Variants in SAYSD1 observed in about 807,000 individuals in gnomAD.
The protein encoded by SAYSD1 is SAYSvFN domain-containing protein 1.
In SAYSD1, 15 loss-of-function variants were observed where a neutral mutation model predicts 14.5. The observed-to-expected ratio is 1.03, with a 90% CI of 0.69 to 1.59. The LOEUF (loss-of-function observed/expected upper bound fraction) is 1.59. Among genes scored for constraint, SAYSD1 ranks in the 40% most tolerant of loss-of-function variants. The pLI is 0.00. For missense variants in SAYSD1, 247 were observed against 227.3 expected (o/e 1.09, Z -0.56); for synonymous variants, 105 against 102.6 (o/e 1.02, Z -0.14).
rs776016051 is a variant in SAYSD1 at position 39,115,134 on chromosome 6, G to C, written c.-45C>G. 25 of 1,555,548 alleles carry C rather than the reference G, an allele frequency of 1.6e-5. No homozygotes were observed. Among genetic ancestry groups the C allele is most frequent in the Non-Finnish European group, 2.1e-5 (24 of 1,154,266 alleles). The stretch of plus-strand genomic sequence containing the variant: ...TTGGCCGATAAGGGAGCGCGCGCCC[G>C]CAGGCCGCACAGCAGTTGCCTCCGC... On this transcript the variant is annotated 5_prime_UTR_variant, in exon 1 of 2. Coordinates refer to ENST00000229903, the MANE Select transcript of SAYSD1 (RefSeq NM_018322.3).
chr6:39,114,812 G>A (rs1313556983), intron 1 of SAYSD1, 71 bp downstream of exon 1: 9 of 1,499,084 alleles, frequency 6.0e-6, no homozygotes, highest in Non-Finnish European at 8.3e-6. Context: ...CCACACCCCC[G>A]GCAGCTAGGG....
chr6:39,106,478 G>A (rs1447521720), intron 1 of SAYSD1, among the ~76,000 whole-genome samples: 2 of 152,166 alleles, frequency 1.3e-5, no homozygotes, highest in Admixed American at 6.5e-5. Flanking sequence ...AGTGAGCTGA[G>A]ATTGCACCAC....
chr6:39,112,049 T>A (rs1769635709), intron 1 of SAYSD1: 1 of 152,008 alleles, frequency 6.6e-6, no homozygotes, highest in East Asian at 1.9e-4. Flanking sequence ...TCACTAGAAA[T>A]AGAATTGAAG....
intron 1 of SAYSD1, among the ~76,000 whole-genome samples, chr6:39,109,071 G>C (rs1480555097): frequency 6.6e-6 from 1 of 152,182 alleles, no homozygotes; most frequent in Non-Finnish European, 1.5e-5. Flanking sequence ...ATGATAGTGA[G>C]GGAAAGGAAG....
At position 39,105,436 on chromosome 6, in the gene SAYSD1, C is replaced by T. The variant is rs1769477930; in HGVS notation, c.548G>A (p.Arg183Lys). ...RELQLRPLAG[R>K] The stretch of plus-strand genomic sequence containing the variant: ...GCATGACAGCACAGCTGGGTCCTAT[C>T]TCCCTGCCAGGGGTCTCAACTGTAA... Residue 183 changes from arginine (R) to lysine (K), a missense_variant, in exon 2 of 2, where the codon AGA becomes AAA. Physicochemically the swap from Arg to Lys is conservative, Grantham distance 26 (BLOSUM62 2). Coordinates refer to ENST00000229903, the MANE Select transcript of SAYSD1 (RefSeq NM_018322.3). 4 of 1,613,840 alleles carry T rather than the reference C, an allele frequency of 2.5e-6. No individual in the cohort carries two copies. Among genetic ancestry groups the T allele is most frequent in the Non-Finnish European group, 3.4e-6 (4 of 1,179,796 alleles).
At chr6:39,110,244 G>A (rs1769601052) in intron 1 of SAYSD1, 1 of 153,120 alleles carries the variant, frequency 6.5e-6, no homozygotes, top group Admixed American at 6.5e-5. Context: ...GAAGTGGGGT[G>A]ATGTCCTAAA....
intron 1 of SAYSD1, among the ~76,000 whole-genome samples, chr6:39,108,705 A>G (rs372270820): frequency 6.6e-6 from 1 of 151,920 alleles, no homozygotes; most frequent in Non-Finnish European, 1.5e-5. Flanking sequence ...GACCCCTCCT[A>G]CTACAAACGG....
At chr6:39,109,699 C>A in intron 1 of SAYSD1, 4 of 934,066 alleles carry the variant, frequency 4.3e-6, no homozygotes, top group Non-Finnish European at 5.3e-6. Flanking sequence ...CTACCAGGCT[C>A]ATTTCCTTGG....
At position 39,105,579 on chromosome 6, in the gene SAYSD1, G is replaced by A. The variant is rs969351652; in HGVS notation, c.405C>T (p.Tyr135=). 10 of 1,613,932 alleles carry A rather than the reference G, an allele frequency of 6.2e-6. No individual in the cohort carries two copies. The highest frequency in any genetic ancestry group is 1.1e-5 in the South Asian group (1 of 91,082). The change falls in exon 2 of 2, where the codon TAC becomes TAT. Residue 135 remains tyrosine, a synonymous_variant. Coordinates refer to ENST00000229903, the MANE Select transcript of SAYSD1 (RefSeq NM_018322.3). ...TCTCTTCAGGGCCTCGTGTCCCGACGTACATCCAATAGAACAAGGACAGGA... is the reference window on the plus strand; with the variant it reads ...TCTCTTCAGGGCCTCGTGTCCCGACATACATCCAATAGAACAAGGACAGGA... The part of the protein sequence containing the change: ...YFVLSLFYWM[Y]VGTRGPEEKK...
intron 1 of SAYSD1, among the ~76,000 whole-genome samples, chr6:39,107,085 A>C (rs1264818137): frequency 6.6e-6 from 1 of 152,188 alleles, no homozygotes; most frequent in Non-Finnish European, 1.5e-5. Flanking sequence ...TATTAATTTC[A>C]CCATCCACTA....
At chr6:39,114,590 G>A (rs1224600376) in intron 1 of SAYSD1, among the ~76,000 whole-genome samples, 1 of 152,248 alleles carries the variant, frequency 6.6e-6, no homozygotes, top group African/African-American at 2.4e-5. Flanking sequence ...GCCACAGGGC[G>A]TCACGATAAC....
rs62398593 is a variant in SAYSD1 at position 39,105,445 on chromosome 6, A to G, written c.539T>C (p.Leu180Pro). Residue 180 changes from leucine to proline, a missense_variant, in exon 2 of 2, where the codon CTG becomes CCG. Physicochemically the swap from Leu to Pro is moderately conservative, Grantham distance 98. Coordinates refer to ENST00000229903, the MANE Select transcript of SAYSD1 (RefSeq NM_018322.3). ...CACAGCTGGGTCCTATCTCCCTGCC[A>G]GGGGTCTCAACTGTAACTCGCGCTC... is the stretch of plus-strand genomic sequence containing the variant. ...QLERELQLRPLAGR is the reference protein window; with the variant it reads ...QLERELQLRPPAGR 1 of 1,614,058 alleles carries G rather than the reference A, an allele frequency of 6.2e-7. No individual in the cohort carries two copies. The highest frequency in any genetic ancestry group is 8.5e-7 in the Non-Finnish European group (1 of 1,179,918).
Position 39,105,717 on chromosome 6 carries a change from C to T in SAYSD1, c.267G>A (p.Leu89=), listed in dbSNP as rs111822360. Residue 89 remains leucine, a synonymous_variant, in exon 2 of 2, where the codon CTG becomes CTA. Coordinates refer to ENST00000229903, the MANE Select transcript of SAYSD1 (RefSeq NM_018322.3). Reference sequence around the variant, plus strand: ...GGAAAGACTGGTCCCAGCACGACGGCAGAGGAATGGCTGTGTTCCATGGTG... The same window carrying T: ...GGAAAGACTGGTCCCAGCACGACGGTAGAGGAATGGCTGTGTTCCATGGTG... ...SETPWNTAIP[L]PSCWDQSFLT... is the part of the protein sequence containing the mutation. 38 of 1,614,204 alleles carry T rather than the reference C, an allele frequency of 2.4e-5. 1 individual carries two copies. The African/African-American group carries it at 2.5e-4, about 11-fold the overall frequency.
Position 39,115,167 on chromosome 6 carries a change from G to A in SAYSD1, c.-78C>T. 1 of 1,363,466 alleles carries A rather than the reference G, an allele frequency of 7.3e-7. No individual in the cohort carries two copies. The allele number at this position is 1,363,466 out of a possible 1,614,324, so 84.5% of individuals were successfully genotyped here. A position where few individuals can be genotyped will look rare whatever the true frequency, so the allele number is the denominator to read the frequency against. ...CACAGCAGTTGCCTCCGCTCGGCCC[G>A]CGCCGGCCGCCGTGCGCCTGCGTGG... On this transcript the variant is annotated 5_prime_UTR_variant, in exon 1 of 2. Coordinates refer to ENST00000229903, the MANE Select transcript of SAYSD1 (RefSeq NM_018322.3).
Position 39,115,060 on chromosome 6 carries a change from C to T in SAYSD1, c.30G>A (p.Ala10=). MEQRLAEFR[A]ARKRAGLAAQ... is the part of the protein sequence containing the mutation. Reference sequence around the variant, plus strand: ...CCGCCAGACCCGCCCGTTTCCGCGCCGCCCGAAACTCAGCTAACCGCTGTT... The same window carrying T: ...CCGCCAGACCCGCCCGTTTCCGCGCTGCCCGAAACTCAGCTAACCGCTGTT... The change falls in exon 1 of 2, where the codon GCG becomes GCA. Residue 10 remains alanine (A), a synonymous_variant. Coordinates refer to ENST00000229903, the MANE Select transcript of SAYSD1 (RefSeq NM_018322.3). 2 of 1,609,980 alleles carry T rather than the reference C, an allele frequency of 1.2e-6. No individual in the cohort carries two copies. Among genetic ancestry groups the T allele is most frequent in the Non-Finnish European group, 1.7e-6 (2 of 1,179,798 alleles).
At chr6:39,107,167 T>C (rs1481415175) in intron 1 of SAYSD1, among the ~76,000 whole-genome samples, 1 of 152,248 alleles carries the variant, frequency 6.6e-6, no homozygotes, top group Non-Finnish European at 1.5e-5. Context: ...ATGACCCTTC[T>C]TCTCCAGCTT....
intron 1 of SAYSD1, among the ~76,000 whole-genome samples, chr6:39,107,654 A>G (rs1313782834): frequency 6.6e-6 from 1 of 152,188 alleles, no homozygotes; most frequent in East Asian, 1.9e-4. Context: ...TAGCATCAAC[A>G]TTGTAATTAT....
At position 39,105,326 on chromosome 6, in the gene SAYSD1, G is replaced by A. The variant is rs975848251; in HGVS notation, c.*106C>T. On this transcript the variant is annotated 3_prime_UTR_variant, in exon 2 of 2. Coordinates refer to ENST00000229903, the MANE Select transcript of SAYSD1 (RefSeq NM_018322.3). ...GGTAGAAAAACTATGCAGTCACAGA[G>A]CTAACCCGCAAGCTGCCCTTAGTCC... 2 of 875,800 alleles carry A rather than the reference G, an allele frequency of 2.3e-6. No individual in the cohort carries two copies. The highest frequency in any genetic ancestry group is 3.6e-6 in the Non-Finnish European group (2 of 558,196). The allele number at this position is 875,800 out of a possible 1,614,324, so 54.3% of individuals were successfully genotyped here.
At chr6:39,110,970 A>C (rs1468822936) in intron 1 of SAYSD1, 2 of 152,180 alleles carry the variant, frequency 1.3e-5, no homozygotes, top group Non-Finnish European at 2.9e-5. Context: ...AGAAGAATGC[A>C]AGTTTGAAAA....
Sources: allele counts gnomAD v4.1 joint callset (sites outside exome capture counted in the v4.1 genomes callset), GRCh38; gene constraint gnomAD v4.1.1; transcripts MANE v1.5; gene names NCBI Gene and HGNC (gene_info 2026-07-23, HGNC 2026-07-21).